TAC1: variants seen among roughly 807,000 people sequenced by gnomAD.
The protein encoded by TAC1 is protachykinin-1.
TAC1 carries 12 observed loss-of-function variants against 21.7 expected under a neutral mutation model. That is an observed-to-expected ratio of 0.55 (90% CI 0.35 to 0.89). The LOEUF (loss-of-function observed/expected upper bound fraction) is 0.89, where lower values mean the gene tolerates loss of function less well. TAC1 is among the 40% of genes least tolerant of loss of function. TAC1 has a pLI of 0.01. For synonymous variants in TAC1, 52 were observed against 52.0 expected (o/e 1.00, Z 0.00); for missense variants, 128 against 151.4 (o/e 0.85, Z 0.81).
In TAC1 at chr7:97,732,800, C is replaced by T; in HGVS notation, c.123+65C>T. On this transcript the variant is annotated intron_variant, in intron 2 of 6. Coordinates refer to ENST00000319273, the MANE Select transcript of TAC1 (RefSeq NM_003182.3). The surrounding 1 kb of genome is among the most constrained non-coding windows in gnomAD (Gnocchi z 6.2). ...GGGCTCGGGAGCTGTCACCTTCCCA[C>T]GCAACAGCACCCTAGTTAACGTGGC... The T allele has an allele frequency of 1.3e-6, 2 of 1,566,134 alleles. No homozygotes were observed. The highest frequency in any genetic ancestry group is 2.3e-5 in the East Asian group (1 of 44,392).
chr7:97,739,997 AG>A lies in TAC1; in HGVS notation c.*79del, dbSNP rs1306499636. 1 of 966,792 alleles carries A rather than the reference AG, an allele frequency of 1.0e-6. No homozygotes were observed. The highest frequency in any genetic ancestry group is 1.7e-5 in the African/African-American group (1 of 59,614). 59.9% of individuals were successfully genotyped at this position (966,792 alleles called of 1,614,324 possible). On this transcript the variant is annotated 3_prime_UTR_variant, in exon 7 of 7. Transcript: ENST00000319273. ...CAGGTAAATTAAGACATGCACTATG[AG>A]GAATAATTATTTATTTAATAACAAT...
At chr7:97,733,687 C>G (rs375904849) in intron 2 of TAC1, 36 bp from the exon 3 acceptor site, 1 of 1,607,490 alleles carries the variant, frequency 6.2e-7, no homozygotes, top group East Asian at 2.2e-5. Context: ...GCTCTGGTTG[C>G]CTTACACGCC....
Position 97,740,219 on chromosome 7 carries a change from T to C in TAC1, c.*299T>C. 4.9e-6 allele frequency: 1 copy of C among 206,120 alleles called. No individual in the cohort carries two copies. The highest frequency in any genetic ancestry group is 9.7e-6 in the Non-Finnish European group (1 of 103,344). 12.8% of individuals were successfully genotyped at this position (206,120 alleles called of 1,614,324 possible). On this transcript the variant is annotated 3_prime_UTR_variant, in exon 7 of 7. Coordinates refer to ENST00000319273, the MANE Select transcript of TAC1 (RefSeq NM_003182.3). ...CCCTAAAGAAAAAAAATCATTGCTT[T>C]GAAGCAGTTGTGTCAGCTACTGCGG...
At position 97,732,853 on chromosome 7, in the gene TAC1, C is replaced by G; in HGVS notation, c.123+118C>G. ...GCACCGCCACCACGGAAAGAGGCAG[C>G]GGTTGCGTGCGAGAGGATGGAAAGG... On this transcript the variant is annotated intron_variant, in intron 2 of 6. Coordinates refer to ENST00000319273, the MANE Select transcript of TAC1 (RefSeq NM_003182.3). The surrounding 1 kb of genome is among the most constrained non-coding windows in gnomAD (Gnocchi z 6.2). The G allele has an allele frequency of 7.6e-7, 1 of 1,321,440 alleles. No individual in the cohort carries two copies. The highest frequency in any genetic ancestry group is 1.5e-5 in the African/African-American group (1 of 68,144). 81.9% of individuals were successfully genotyped at this position (1,321,440 alleles called of 1,614,324 possible). A position where few individuals can be genotyped will look rare whatever the true frequency, so the allele number is the denominator to read the frequency against.
At chr7:97,736,106 G>A (rs989776673) in intron 5 of TAC1, among the ~76,000 whole-genome samples, 193 bp from the exon 6 acceptor site, 1 of 151,902 alleles carries the variant, frequency 6.6e-6, no homozygotes, top group East Asian at 1.9e-4. Flanking sequence ...TAAGAAAAGT[G>A]GTTTCATTGT....
intron 3 of TAC1, 90 bp downstream of exon 3, chr7:97,733,909 A>C: frequency 7.7e-7 from 1 of 1,300,000 alleles, no homozygotes; most frequent in East Asian, 2.4e-5. Context: ...CTCGCTCTGA[A>C]TAGAGATTTC....
rs527454548 is a variant in TAC1 at position 97,732,972 on chromosome 7, T to C, written c.123+237T>C. On this transcript the variant is annotated intron_variant, in intron 2 of 6. Transcript: ENST00000319273. This position sits in a 1 kb window ranked among gnomAD's most constrained non-coding sequence, Gnocchi z 6.2. ...CGTCCGGCCCAGGAACTCCCTGCAG[T>C]AGGGATGCCCTCCCGGATGAGCCCG... is the stretch of plus-strand genomic sequence containing the variant. 6.7e-5 allele frequency: 30 copies of C among 450,680 alleles called. No individual in the cohort carries two copies. Among genetic ancestry groups the C allele is most frequent in the African/African-American group, 4.7e-4 (24 of 51,086 alleles). The allele number at this position is 450,680 out of a possible 1,614,324, so 27.9% of individuals were successfully genotyped here.
intron 6 of TAC1, among the ~76,000 whole-genome samples, chr7:97,739,265 T>C (rs1789647622): frequency 6.6e-6 from 1 of 151,898 alleles, no homozygotes; most frequent in African/African-American, 2.4e-5. Flanking sequence ...CACAATTAGA[T>C]GCCCCTTGAA....
In TAC1 at chr7:97,732,536, T is replaced by G; in HGVS notation, c.-9-68T>G. On this transcript the variant is annotated intron_variant, in intron 1 of 6. Coordinates refer to ENST00000319273, the MANE Select transcript of TAC1 (RefSeq NM_003182.3). This position sits in a 1 kb window ranked among gnomAD's most constrained non-coding sequence, Gnocchi z 6.2. ...GCAGAAAATTCTGTTGCTTTAACTCTTGGATAACCACCCCTAATAGATACA... is the reference window on the plus strand; with the variant it reads ...GCAGAAAATTCTGTTGCTTTAACTCGTGGATAACCACCCCTAATAGATACA... 1 of 1,578,748 alleles carries G rather than the reference T, an allele frequency of 6.3e-7. No homozygotes were observed. Among genetic ancestry groups the G allele is most frequent in the South Asian group, 1.2e-5 (1 of 86,760 alleles).
In TAC1 at chr7:97,732,467, G is replaced by A. The variant is rs1018748958; in HGVS notation, c.-9-137G>A. The A allele has an allele frequency of 1.8e-5, 18 of 1,013,292 alleles. No homozygotes were observed. Among genetic ancestry groups the A allele is most frequent in the Non-Finnish European group, 2.6e-5 (18 of 680,336 alleles). 62.8% of individuals were successfully genotyped at this position (1,013,292 alleles called of 1,614,324 possible). A position where few individuals can be genotyped will look rare whatever the true frequency, so the allele number is the denominator to read the frequency against. On this transcript the variant is annotated intron_variant, in intron 1 of 6. Coordinates refer to ENST00000319273, the MANE Select transcript of TAC1 (RefSeq NM_003182.3). This position sits in a 1 kb window ranked among gnomAD's most constrained non-coding sequence, Gnocchi z 6.2. ...TCTCTCGCCTAACCGGTACAGGTGA[G>A]ACTTCAGTCCTTATGTTTTTGATCT...
chr7:97,734,661 T>G (rs1381610333), intron 4 of TAC1, among the ~76,000 whole-genome samples, 165 bp from the exon 5 acceptor site: 1 of 152,228 alleles, frequency 6.6e-6, no homozygotes, highest in Non-Finnish European at 1.5e-5. Context: ...TTAGTTTTTA[T>G]GATTAATAAT....
At position 97,736,351 on chromosome 7, in the gene TAC1, T is replaced by C; in HGVS notation, c.342T>C (p.Ser114=). The C allele has an allele frequency of 6.2e-7, 1 of 1,609,810 alleles. No individual in the cohort carries two copies. The highest frequency in any genetic ancestry group is 8.5e-7 in the Non-Finnish European group (1 of 1,177,088). ...VGLMGKRALN[S]VAYERSAMQN... is the part of the protein sequence containing the mutation. ...TAATGGGCAAAAGAGCTTTAAATTC[T>C]GGTATGTATGAAATTATGACTGAAA... The change falls in exon 6 of 7, where the codon TCT becomes TCC. Residue 114 remains serine, a splice_region_variant and synonymous_variant. Transcript: ENST00000319273.
At chr7:97,735,206 G>A (rs867193421) in intron 5 of TAC1, among the ~76,000 whole-genome samples, 3 of 151,628 alleles carry the variant, frequency 2.0e-5, no homozygotes, top group Non-Finnish European at 4.4e-5. Flanking sequence ...AAACAAACAC[G>A]AAACCCCCAC....
rs975826331 is a variant in TAC1, at chr7:97,733,982, C to G, written c.220+163C>G. 60 of 734,010 alleles carry G rather than the reference C, an allele frequency of 8.2e-5. 1 individual carries two copies. Among genetic ancestry groups the G allele is most frequent in the Non-Finnish European group, 1.2e-4 (53 of 446,850 alleles). 45.5% of individuals were successfully genotyped at this position (734,010 alleles called of 1,614,324 possible). ...GGCCCACACCGCACTAAGGCACGCA[C>G]GGGCCCGCGGGGGGAGGGAAAGATC... On this transcript the variant is annotated intron_variant, in intron 3 of 6. Transcript: ENST00000319273.
chr7:97,734,907 T>A, intron 5 of TAC1, 58 bp downstream of exon 5: 1 of 1,341,582 alleles, frequency 7.5e-7, no homozygotes, highest in South Asian at 1.2e-5. Flanking sequence ...ATATTGAATT[T>A]CACTTTATTT....
chr7:97,734,314 T>C, intron 4 of TAC1, 22 bp downstream of exon 4: 3 of 1,600,856 alleles, frequency 1.9e-6, no homozygotes, highest in Middle Eastern at 1.7e-4. Context: ...TATAAATCTT[T>C]ATTTTACTAT....
rs1179979666 is a variant in TAC1 at position 97,734,856 on chromosome 7, T to G, written c.289+7T>G. The G allele has an allele frequency of 6.3e-7, 1 of 1,582,994 alleles. No homozygotes were observed. The highest frequency in any genetic ancestry group is 8.7e-7 in the Non-Finnish European group (1 of 1,155,858). On this transcript the variant is annotated splice_region_variant and intron_variant, in intron 5 of 6. Transcript: ENST00000319273. ...GGCCAGATCTCTCACAAAAGTAAGT[T>G]CAAAATTATTTTGACATTTATCAAA...
At chr7:97,737,722 G>T (rs1789608822) in intron 6 of TAC1, among the ~76,000 whole-genome samples, 1 of 151,878 alleles carries the variant, frequency 6.6e-6, no homozygotes, top group South Asian at 2.1e-4. Context: ...GTCATTTTGG[G>T]CTGCCGAAGT....
At chr7:97,738,703 T>C (rs1014777687) in intron 6 of TAC1, among the ~76,000 whole-genome samples, 2 of 152,024 alleles carry the variant, frequency 1.3e-5, no homozygotes, top group African/African-American at 4.8e-5. Context: ...GAAGTGATAA[T>C]ACTGGTGCCT....
Sources: allele counts gnomAD v4.1 joint callset (sites outside exome capture counted in the v4.1 genomes callset), GRCh38; gene constraint gnomAD v4.1.1; non-coding constraint Gnocchi (gnomAD v3.1); transcripts MANE v1.5; gene names NCBI Gene and HGNC (gene_info 2026-07-23, HGNC 2026-07-21).